SPRY3: variants seen among roughly 807,000 people sequenced by gnomAD.
SPRY3 encodes sprouty RTK signaling antagonist 3, also known as protein sprouty homolog 3.
In SPRY3, 15 loss-of-function variants were observed where a neutral mutation model predicts 20.2. The observed-to-expected ratio is 0.74, with a 90% CI of 0.50 to 1.14. SPRY3 has a LOEUF of 1.14. Among genes scored for constraint, SPRY3 ranks in the 50% most tolerant of loss-of-function variants. The probability of loss-of-function intolerance (pLI) is 0.00; values close to 1 mark genes in which losing one functional copy is unlikely to be tolerated. For synonymous variants in SPRY3, 143 were observed against 136.5 expected, an observed-to-expected ratio of 1.05 and a Z score of -0.33; for missense variants, 364 against 363.9, an observed-to-expected ratio of 1.00 and a Z score of 0.00.
At chrX:155,681,183 T>C (rs1460850845) in intron 2 of SPRY3, among the ~76,000 whole-genome samples, 3 of 111,688 alleles carry the variant, frequency 2.7e-5, no homozygotes, top group African/African-American at 9.8e-5. Context: ...GGGGAGATAA[T>C]TGAGTCATGG....
intron 2 of SPRY3, among the ~76,000 whole-genome samples, chrX:155,728,495 T>A (rs2091114062): frequency 6.7e-6 from 1 of 149,694 alleles, no homozygotes; most frequent in South Asian, 2.1e-4. Context: ...TCGCTTTGTT[T>A]AACTATTCAA....
chrX:155,685,580 A>G (rs1384727879), intron 2 of SPRY3, among the ~76,000 whole-genome samples: 2 of 108,663 alleles, frequency 1.8e-5, no homozygotes, highest in Admixed American at 2.0e-4. Context: ...CCACCCTCCA[A>G]CAGGCCCCAG....
At chrX:155,777,388 G>T (rs1289634423), downstream of SPRY3, 9 of 166,740 alleles carry the variant, frequency 5.4e-5, 1 homozygote, top group Admixed American at 5.9e-4. Context: ...TGCCAGAGGG[G>T]CCCTGGGTTC....
chrX:155,766,309 C>T (rs1441061279), intron 2 of SPRY3, among the ~76,000 whole-genome samples: 2 of 152,102 alleles, frequency 1.3e-5, no homozygotes, highest in African/African-American at 4.8e-5. Flanking sequence ...GGGTAAATGA[C>T]AGAGTGTCAG....
At chrX:155,635,255 A>G (rs1184730640) in intron 1 of SPRY3, among the ~76,000 whole-genome samples, 2 of 111,415 alleles carry the variant, frequency 1.8e-5, no homozygotes, top group African/African-American at 6.5e-5. Flanking sequence ...CATGGTGTGT[A>G]TGTGCCACAT....
chrX:155,652,891 A>G (rs1340798759), intron 1 of SPRY3, among the ~76,000 whole-genome samples: 1 of 111,728 alleles, frequency 9.0e-6, no homozygotes, highest in African/African-American at 3.2e-5. Context: ...ATTTTCTGCC[A>G]TTATTGTTAT....
chrX:155,632,449 G>A (rs1557350613), intron 1 of SPRY3, among the ~76,000 whole-genome samples: 1 of 111,380 alleles, frequency 9.0e-6, no homozygotes, highest in African/African-American at 3.3e-5. Flanking sequence ...GCTGTCCTGT[G>A]CCAGGCTCAG....
chrX:155,670,780 C>A (rs1192119391), intron 2 of SPRY3, among the ~76,000 whole-genome samples: 3 of 111,754 alleles, frequency 2.7e-5, no homozygotes, highest in South Asian at 3.7e-4. Flanking sequence ...ACAAATTAGG[C>A]CAGAATGGCA....
intron 2 of SPRY3, among the ~76,000 whole-genome samples, chrX:155,671,989 CT>C (rs1557354804): frequency 9.0e-6 from 1 of 110,922 alleles, no homozygotes; most frequent in Admixed American, 9.6e-5. Context: ...GGGCTGTGTT[CT>C]GTTCCATTGA....
intron 2 of SPRY3, chrX:155,767,672 GGGAGGAGAAAGAGGCGGAGGA>G (rs2091342969): frequency 1.7e-5 from 2 of 117,238 alleles, no homozygotes; most frequent in African/African-American, 3.1e-5. Context: ...GAGGAGAAGG[GGGAGGAGAAAGAGGCGGAGGA>G]GGAGGAGAAA....
intron 2 of SPRY3, among the ~76,000 whole-genome samples, chrX:155,665,825 T>C (rs2068022932): frequency 8.9e-6 from 1 of 111,796 alleles, no homozygotes; most frequent in Non-Finnish European, 1.9e-5. Flanking sequence ...TTTTAAGTGA[T>C]ATAAAGTAAA....
At chrX:155,621,758 A>G (rs1466310313) in intron 1 of SPRY3, among the ~76,000 whole-genome samples, 2 of 111,756 alleles carry the variant, frequency 1.8e-5, no homozygotes, top group Admixed American at 1.9e-4. Flanking sequence ...CAACTTCTCT[A>G]GTATGACTGA....
chrX:155,732,185 GA>G (rs968601840), intron 2 of SPRY3, among the ~76,000 whole-genome samples: 1 of 151,830 alleles, frequency 6.6e-6, no homozygotes, highest in African/African-American at 2.4e-5. Flanking sequence ...GTTCTGTTTA[GA>G]AAAAAACTCC....
At chrX:155,742,601 C>A (rs2091208861) in intron 2 of SPRY3, among the ~76,000 whole-genome samples, 1 of 152,168 alleles carries the variant, frequency 6.6e-6, no homozygotes, top group African/African-American at 2.4e-5. Flanking sequence ...AAGTAAAACA[C>A]TCCTCAGCAA....
intron 2 of SPRY3, among the ~76,000 whole-genome samples, chrX:155,732,936 G>A (rs2091143612): frequency 6.6e-6 from 1 of 151,890 alleles, no homozygotes; most frequent in Non-Finnish European, 1.5e-5. Context: ...TTTTCACTTA[G>A]TCATGGGAGC....
intron 1 of SPRY3, among the ~76,000 whole-genome samples, chrX:155,637,976 G>T (rs782256490): frequency 4.2e-5 from 4 of 94,371 alleles, no homozygotes; most frequent in East Asian, 3.4e-4. Flanking sequence ...TCTCAGGGTT[G>T]TTTTTTTTTT....
At chrX:155,767,390 G>C (rs1193495982) in intron 2 of SPRY3, among the ~76,000 whole-genome samples, 1 of 151,976 alleles carries the variant, frequency 6.6e-6, no homozygotes, top group Non-Finnish European at 1.5e-5. Context: ...CCCCACTGCA[G>C]ATTATATACC....
intron 1 of SPRY3, among the ~76,000 whole-genome samples, chrX:155,615,861 T>C (rs1244557265): frequency 9.0e-6 from 1 of 111,117 alleles, no homozygotes; most frequent in Admixed American, 9.6e-5. Context: ...AGTGAAGAAG[T>C]ATTAATTAGG....
intron 2 of SPRY3, among the ~76,000 whole-genome samples, chrX:155,715,603 C>T (rs750876263): frequency 1.3e-5 from 2 of 152,204 alleles, no homozygotes; most frequent in South Asian, 2.1e-4. Flanking sequence ...AGATTGTGTG[C>T]CCCCTAAGTC....
Sources: gnomAD v4.1 joint callset for allele counts (sites outside exome capture counted in the v4.1 genomes callset) on GRCh38, gnomAD v4.1.1 for gene constraint, MANE v1.5 for transcripts, NCBI Gene and HGNC (gene_info 2026-07-23, HGNC 2026-07-21) for gene names.